The following TRHDE variants were observed in gnomAD, a reference collection of about 807,000 sequenced individuals.
TRHDE encodes thyrotropin releasing hormone degrading enzyme, also known as thyrotropin-releasing hormone-degrading ectoenzyme.
In TRHDE, 72 loss-of-function variants were observed where a neutral mutation model predicts 125.7. The ratio of observed to expected loss-of-function variants is 0.57; its 90% CI spans 0.47 to 0.70. The LOEUF is 0.70. TRHDE is among the 30% of genes least tolerant of loss of function. TRHDE has a pLI of 0.00. For missense variants in TRHDE, 1,110 were observed against 1,327.1 expected (o/e 0.84, Z 2.54); for synonymous variants, 509 against 509.1 (o/e 1.00, Z 0.00).
In TRHDE at chr12:72,574,058, T is replaced by G. The variant is rs76920102; in HGVS notation, c.2132-1197T>G. 5.2e-3 allele frequency among the ~76,000 whole-genome samples: 793 copies of G among 152,194 alleles called. 10 individuals are homozygous for G. The highest frequency in any genetic ancestry group is 0.017 in the African/African-American group (719 of 41,576). On this transcript the variant is annotated intron_variant, in intron 10 of 18. Transcript: ENST00000261180. ...ATATGCATTGGGTTTATTAGTTCAC[T>G]TCATTCCAGACCTGAGAAATGAATG...
At chr12:72,397,171 C>A (rs969914441) in intron 3 of TRHDE, among the ~76,000 whole-genome samples, 1 of 152,208 alleles carries the variant, frequency 6.6e-6, no homozygotes, top group African/African-American at 2.4e-5. Context: ...TCTTGTAAAA[C>A]AGAATCAGAG....
intron 2 of TRHDE, among the ~76,000 whole-genome samples, chr12:72,188,449 T>G (rs1190233179): frequency 1.3e-5 from 2 of 152,252 alleles, no homozygotes; most frequent in African/African-American, 4.8e-5. Flanking sequence ...AATTATTTAT[T>G]GCCTACTTTT....
intron 15 of TRHDE, among the ~76,000 whole-genome samples, chr12:72,629,476 A>G (rs916406250): frequency 6.6e-6 from 1 of 151,792 alleles, no homozygotes; most frequent in African/African-American, 2.4e-5. Flanking sequence ...CAAAAGATAT[A>G]TGCCTATTGA....
At chr12:72,609,462 T>A (rs1872561318) in intron 12 of TRHDE, among the ~76,000 whole-genome samples, 1 of 152,184 alleles carries the variant, frequency 6.6e-6, no homozygotes, top group Admixed American at 6.5e-5. Flanking sequence ...TTTATTTTTT[T>A]ATCTTTTATT....
chr12:72,614,588 A>G (rs1872748701), intron 12 of TRHDE, among the ~76,000 whole-genome samples: 1 of 152,094 alleles, frequency 6.6e-6, no homozygotes. Flanking sequence ...CAGTATCTTC[A>G]GCATATATTA....
rs372757976 is a variant in TRHDE at position 72,664,331 on chromosome 12, TTAAG to T, written c.*1138_*1141del. 356 of 152,684 alleles carry T rather than the reference TTAAG, an allele frequency of 2.3e-3. 3 individuals carry two copies. The highest frequency in any genetic ancestry group is 8.2e-3 in the African/African-American group (340 of 41,568). 9.5% of individuals were successfully genotyped at this position (152,684 alleles called of 1,614,324 possible). On this transcript the variant is annotated 3_prime_UTR_variant, in exon 19 of 19. Transcript: ENST00000261180. ...AAAAAATTCTCTGCATGTTGGTCTT[TTAAG>T]TCTGTTTTGCTCTAATCCTCCATTA... is the stretch of plus-strand genomic sequence containing the variant.
intron 2 of TRHDE, among the ~76,000 whole-genome samples, chr12:72,296,313 A>G (rs1159276339): frequency 6.6e-6 from 1 of 152,250 alleles, no homozygotes; most frequent in Non-Finnish European, 1.5e-5. Flanking sequence ...CAATACCAGT[A>G]TCATCACTTT....
intron 15 of TRHDE, among the ~76,000 whole-genome samples, chr12:72,637,480 G>C (rs1051588540): frequency 6.6e-6 from 1 of 151,932 alleles, no homozygotes; most frequent in African/African-American, 2.4e-5. Context: ...ATTTTTTGAA[G>C]GGTTTTTTGT....
At chr12:72,472,997 G>A in intron 4 of TRHDE, 70 bp from the exon 5 acceptor site, 1 of 1,192,324 alleles carries the variant, frequency 8.4e-7, no homozygotes, top group South Asian at 1.2e-5. Flanking sequence ...TTTAATACAT[G>A]TAATTTTAGA....
chr12:72,149,893 A>G (rs1175849360), intron 2 of TRHDE, among the ~76,000 whole-genome samples: 1 of 152,180 alleles, frequency 6.6e-6, no homozygotes, highest in African/African-American at 2.4e-5. Context: ...AAAGAGTTCC[A>G]CTATATGGAT....
chr12:72,413,098 A>G (rs531292819), intron 3 of TRHDE, among the ~76,000 whole-genome samples: 1 of 152,152 alleles, frequency 6.6e-6, no homozygotes, highest in African/African-American at 2.4e-5. Flanking sequence ...TTTATATACT[A>G]CTTCTATATA....
intron 12 of TRHDE, among the ~76,000 whole-genome samples, chr12:72,615,411 C>G (rs2136073326): frequency 6.6e-6 from 1 of 152,218 alleles, no homozygotes; most frequent in Non-Finnish European, 1.5e-5. Flanking sequence ...CACTGGATTC[C>G]ACATACTTTC....
intron 12 of TRHDE, among the ~76,000 whole-genome samples, chr12:72,597,258 G>A (rs1592562312): frequency 6.6e-6 from 1 of 152,060 alleles, no homozygotes; most frequent in South Asian, 2.1e-4. Context: ...AAATATTTTG[G>A]GGTTTCTTAG....
intron 2 of TRHDE, among the ~76,000 whole-genome samples, chr12:72,175,675 T>G (rs1434620509): frequency 1.3e-5 from 2 of 152,246 alleles, no homozygotes; most frequent in Non-Finnish European, 1.5e-5. Flanking sequence ...TAATTGTAAC[T>G]CTTTACCTAA....
chr12:72,578,018 T>C (rs1740018328), intron 12 of TRHDE, among the ~76,000 whole-genome samples: 1 of 152,220 alleles, frequency 6.6e-6, no homozygotes, highest in African/African-American at 2.4e-5. Flanking sequence ...TTATTCATAT[T>C]TCATTGTAGT....
At chr12:72,642,120 A>G (rs1394293967) in intron 15 of TRHDE, among the ~76,000 whole-genome samples, 3 of 152,210 alleles carry the variant, frequency 2.0e-5, no homozygotes, top group African/African-American at 7.2e-5. Context: ...CCCTAGTCTC[A>G]GACATAGCCT....
intron 2 of TRHDE, among the ~76,000 whole-genome samples, chr12:72,113,289 G>T (rs2139296466): frequency 6.6e-6 from 1 of 152,050 alleles, no homozygotes; most frequent in East Asian, 2.0e-4. Context: ...AAAGTGCTTG[G>T]ATTACAGGTG....
intron 5 of TRHDE, among the ~76,000 whole-genome samples, chr12:72,473,970 C>T (rs1481490055): frequency 6.6e-6 from 1 of 151,860 alleles, no homozygotes; most frequent in Non-Finnish European, 1.5e-5. Flanking sequence ...TCCAAAAGCT[C>T]AACTTTTATT....
chr12:72,336,402 C>A (rs1869831954), intron 2 of TRHDE, among the ~76,000 whole-genome samples: 1 of 152,146 alleles, frequency 6.6e-6, no homozygotes, highest in South Asian at 2.1e-4. Flanking sequence ...TTAATCAGCT[C>A]AAGGATTGTC....
Sources: allele counts gnomAD v4.1 joint callset (sites outside exome capture counted in the v4.1 genomes callset), GRCh38; gene constraint gnomAD v4.1.1; transcripts MANE v1.5; gene names NCBI Gene and HGNC (gene_info 2026-07-23, HGNC 2026-07-21).